REV3L: variants seen among roughly 807,000 people sequenced by gnomAD.
REV3L encodes REV3 like, DNA directed polymerase zeta catalytic subunit.
In REV3L, 69 loss-of-function variants were observed where a neutral mutation model predicts 299.4. That is an observed-to-expected ratio of 0.23 (90% CI 0.19 to 0.28). The LOEUF (loss-of-function observed/expected upper bound fraction) is 0.28. Among genes scored for constraint, REV3L ranks in the 10% least tolerant of loss-of-function variants. REV3L has a pLI of 1.00. For synonymous variants in REV3L, 1,238 were observed against 1,271.4 expected (o/e 0.97, Z 0.56); for missense variants, 3,128 against 3,693.8 (o/e 0.85, Z 3.97).
chr6:111,364,030 C>A, intron 15 of REV3L, 52 bp from the exon 16 acceptor site: 2 of 1,563,024 alleles, frequency 1.3e-6, no homozygotes, highest in South Asian at 2.4e-5. Context: ...CATGAGCAAT[C>A]ATTTTTCTTT....
chr6:111,407,686 G>A (rs1046935478), intron 3 of REV3L, among the ~76,000 whole-genome samples: 5 of 152,186 alleles, frequency 3.3e-5, no homozygotes, highest in Non-Finnish European at 7.4e-5. Flanking sequence ...TGTAATCCCA[G>A]CACTTTGGGA....
chr6:111,354,188 G>A (rs899389221), intron 18 of REV3L: 8 of 152,078 alleles, frequency 5.3e-5, no homozygotes, highest in African/African-American at 1.9e-4. Flanking sequence ...GATTACACAG[G>A]CCTTCTGTTT....
intron 21 of REV3L, among the ~76,000 whole-genome samples, chr6:111,341,833 C>T (rs1254757089): frequency 6.6e-6 from 1 of 152,062 alleles, no homozygotes; most frequent in East Asian, 1.9e-4. Flanking sequence ...AGGATGAAAC[C>T]ACATGAGGCT....
At chr6:111,386,883 G>C (rs140834896) in intron 9 of REV3L, among the ~76,000 whole-genome samples, 1 of 151,604 alleles carries the variant, frequency 6.6e-6, no homozygotes, top group Non-Finnish European at 1.5e-5. Context: ...CACCACGCCC[G>C]GCTAATTTTT....
intron 10 of REV3L, 24 bp from the exon 11 acceptor site, chr6:111,380,243 C>T: frequency 6.7e-7 from 1 of 1,502,036 alleles, no homozygotes; most frequent in Non-Finnish European, 9.2e-7. Context: ...ACAATAATCA[C>T]CAACAAATAA....
chr6:111,448,346 CT>C (rs891225097), intron 1 of REV3L, among the ~76,000 whole-genome samples: 15 of 147,134 alleles, frequency 1.0e-4, no homozygotes, highest in African/African-American at 1.7e-4. Flanking sequence ...TTTTTCTTTT[CT>C]TTTTTTTTTG....
At chr6:111,463,268 A>C (rs1249600921) in intron 1 of REV3L, among the ~76,000 whole-genome samples, 1 of 152,218 alleles carries the variant, frequency 6.6e-6, no homozygotes, top group East Asian at 1.9e-4. Flanking sequence ...TCGGTTATAC[A>C]ACTGATATTC....
chr6:111,450,508 C>CAAAAAAAAAAAAAAAAAAAAAAA (rs1789400781), intron 1 of REV3L, among the ~76,000 whole-genome samples: 3 of 94,280 alleles, frequency 3.2e-5, no homozygotes, highest in African/African-American at 6.9e-5. Context: ...AAAAAAAAAC[C>CAAAAAAAAAAAAAAAAAAAAAAA]AAAAAACATT....
chr6:111,406,209 T>A (rs1484049226), intron 3 of REV3L, among the ~76,000 whole-genome samples: 1 of 152,122 alleles, frequency 6.6e-6, no homozygotes, highest in Non-Finnish European at 1.5e-5. Flanking sequence ...GACTAAATGA[T>A]GAACTAGAGG....
intron 1 of REV3L, among the ~76,000 whole-genome samples, chr6:111,433,232 A>G (rs1463546483): frequency 6.6e-6 from 1 of 152,154 alleles, no homozygotes; most frequent in Non-Finnish European, 1.5e-5. Flanking sequence ...AAAAACCAAT[A>G]CAGAAGATCA....
rs138807869 is a variant in REV3L at position 111,380,136 on chromosome 6, G to T, written c.1300C>A (p.Pro434Thr). 1.8e-4 allele frequency: 298 copies of T among 1,613,758 alleles called. No individual in the cohort carries two copies. Among genetic ancestry groups the T allele is most frequent in the Admixed American group, 4.0e-4 (24 of 59,970 alleles). Residue 434 changes from proline to threonine, a missense_variant, in exon 11 of 32, where the codon CCA becomes ACA. Pro to Thr is a conservative substitution (Grantham distance 38, BLOSUM62 -1). Around this residue, in one of 9 missense-constraint regions of REV3L, gnomAD observed 2,409 missense variants for 2,611.8 expected, o/e 0.92. Transcript: ENST00000368802. The stretch of plus-strand genomic sequence containing the variant: ...TTTCCAAAGGAGCGACATGGTGATG[G>T]CATCCTATTTCTTTCCCCCCGATAT... ...DGYRGERNRM[P>T]SPCRSFGNNK...
chr6:111,406,081 T>C (rs557520415), intron 3 of REV3L, among the ~76,000 whole-genome samples: 40 of 152,210 alleles, frequency 2.6e-4, no homozygotes, highest in African/African-American at 9.1e-4. Flanking sequence ...CAGACAATTA[T>C]ATACAGCATA....
chr6:111,356,265 C>A (rs1197904990), intron 18 of REV3L, among the ~76,000 whole-genome samples: 1 of 152,126 alleles, frequency 6.6e-6, no homozygotes, highest in Non-Finnish European at 1.5e-5. Context: ...TAGCAATGGG[C>A]AGAATCCTTA....
intron 26 of REV3L, among the ~76,000 whole-genome samples, chr6:111,316,493 G>A (rs1270246096): frequency 5.9e-5 from 9 of 151,398 alleles, no homozygotes; most frequent in Admixed American, 4.6e-4. Context: ...GCAAAATCCC[G>A]TCTCTACTAA....
At chr6:111,391,976 G>T (rs572981695) in intron 5 of REV3L, among the ~76,000 whole-genome samples, 5 of 152,386 alleles carry the variant, frequency 3.3e-5, no homozygotes, top group East Asian at 3.8e-4. Flanking sequence ...GCAACAGCGT[G>T]AGACCTTGTC....
chr6:111,358,171 C>A (rs564057606), intron 17 of REV3L, among the ~76,000 whole-genome samples: 1 of 151,858 alleles, frequency 6.6e-6, no homozygotes, highest in East Asian at 1.9e-4. Flanking sequence ...ACCTCTGAAC[C>A]AAAAGTATAT....
chr6:111,420,717 A>G (rs1355774962), intron 1 of REV3L, among the ~76,000 whole-genome samples: 5 of 152,252 alleles, frequency 3.3e-5, no homozygotes, highest in Non-Finnish European at 5.9e-5. Flanking sequence ...ACTTGACACC[A>G]TGGCAAAACT....
intron 31 of REV3L, among the ~76,000 whole-genome samples, chr6:111,304,351 T>A (rs1349257079): frequency 6.7e-6 from 1 of 149,132 alleles, no homozygotes; most frequent in Admixed American, 6.7e-5. Context: ...AATCACAAGG[T>A]CTGACTTATA....
At chr6:111,302,349 A>C (rs1012353702) in intron 31 of REV3L, among the ~76,000 whole-genome samples, 1 of 152,194 alleles carries the variant, frequency 6.6e-6, no homozygotes, top group African/African-American at 2.4e-5. Flanking sequence ...CAAACTGATA[A>C]ATATTTAAGC....
Sources: gnomAD v4.1 joint callset for allele counts (sites outside exome capture counted in the v4.1 genomes callset) on GRCh38, gnomAD v4.1.1 for gene constraint, gnomAD v4.1.1 regional missense constraint, MANE v1.5 for transcripts, NCBI Gene and HGNC (gene_info 2026-07-23, HGNC 2026-07-21) for gene names.